TEAD1: variants seen among roughly 807,000 people sequenced by gnomAD.
TEAD1 encodes TEA domain transcription factor 1.
In TEAD1, 9 loss-of-function variants were observed where a neutral mutation model predicts 54.9. That is an observed-to-expected ratio of 0.16 (90% CI 0.10 to 0.29). The LOEUF (loss-of-function observed/expected upper bound fraction) is 0.29. Among genes scored for constraint, TEAD1 ranks in the 10% least tolerant of loss-of-function variants. TEAD1 has a pLI of 1.00. For synonymous variants in TEAD1, 200 were observed against 187.8 expected (o/e 1.07, Z -0.53); for missense variants, 387 against 535.9 (o/e 0.72, Z 2.74).
intron 2 of TEAD1, among the ~76,000 whole-genome samples, chr11:12,700,293 C>T (rs971138170): frequency 6.6e-6 from 1 of 151,866 alleles, no homozygotes; most frequent in Non-Finnish European, 1.5e-5. Context: ...CAACTTTGGA[C>T]TTTTTCTTCC....
intron 4 of TEAD1, among the ~76,000 whole-genome samples, chr11:12,863,416 G>A (rs765620959): frequency 6.6e-6 from 1 of 152,280 alleles, no homozygotes; most frequent in African/African-American, 2.4e-5. Context: ...GTGAAAACAA[G>A]TAACAGCAGG....
chr11:12,788,179 C>G, intron 3 of TEAD1, among the ~76,000 whole-genome samples: 1 of 149,578 alleles, frequency 6.7e-6, no homozygotes, highest in Non-Finnish European at 1.5e-5. Context: ...TTCTGTTACT[C>G]AGGCTGGAGT....
At chr11:12,921,538 CA>C (rs10684810) in intron 10 of TEAD1, among the ~76,000 whole-genome samples, 69,107 of 130,492 alleles carry the variant, frequency 0.53, 17,745 homozygotes, top group South Asian at 0.65. Flanking sequence ...AACTCCATCT[CA>C]AAAAAAAAAA....
chr11:12,913,425 C>T (rs1432659622), intron 10 of TEAD1, among the ~76,000 whole-genome samples: 1 of 152,162 alleles, frequency 6.6e-6, no homozygotes, highest in Non-Finnish European at 1.5e-5. Context: ...TAGACTTATA[C>T]GTATGTATCT....
intron 3 of TEAD1, among the ~76,000 whole-genome samples, chr11:12,837,720 C>CCTTCTCCTT (rs1946929227): frequency 7.1e-6 from 1 of 141,468 alleles, no homozygotes; most frequent in Admixed American, 7.2e-5. Context: ...TTCTCCTTCT[C>CCTTCTCCTT]CTTCTTCTTC....
At chr11:12,858,059 C>T (rs145219119) in intron 3 of TEAD1, among the ~76,000 whole-genome samples, 1,528 of 152,202 alleles carry the variant, frequency 0.01, 28 homozygotes, top group African/African-American at 0.035. Context: ...GAGCCGAGAT[C>T]GTGCCACTGC....
At chr11:12,919,342 A>G (rs1160913581) in intron 10 of TEAD1, among the ~76,000 whole-genome samples, 1 of 152,232 alleles carries the variant, frequency 6.6e-6, no homozygotes, top group African/African-American at 2.4e-5. Context: ...AGCTGCAAGC[A>G]GTAAGGACTT....
At chr11:12,745,273 C>T (rs1246354838) in intron 2 of TEAD1, among the ~76,000 whole-genome samples, 2 of 152,078 alleles carry the variant, frequency 1.3e-5, no homozygotes, top group African/African-American at 4.8e-5. Context: ...TGTGATGTGC[C>T]CTGCATGAAC....
At chr11:12,875,306 C>T (rs1377843618) in intron 5 of TEAD1, among the ~76,000 whole-genome samples, 1 of 152,170 alleles carries the variant, frequency 6.6e-6, no homozygotes, top group East Asian at 1.9e-4. Context: ...ACCAGAGTGA[C>T]ACAGAGGAGC....
At chr11:12,678,870 T>C (rs140379688) in intron 2 of TEAD1, among the ~76,000 whole-genome samples, 1 of 152,362 alleles carries the variant, frequency 6.6e-6, no homozygotes, top group Non-Finnish European at 1.5e-5. Flanking sequence ...CATTCCAGTT[T>C]TGTAGTGGTA....
intron 2 of TEAD1, among the ~76,000 whole-genome samples, chr11:12,691,870 A>C (rs147671364): frequency 2.9e-4 from 44 of 152,304 alleles, no homozygotes; most frequent in Non-Finnish European, 5.9e-4. Flanking sequence ...CATCTGTTTC[A>C]ATAAATATTG....
chr11:12,931,638 C>A (rs749799863), intron 12 of TEAD1, among the ~76,000 whole-genome samples: 5 of 151,988 alleles, frequency 3.3e-5, no homozygotes, highest in Admixed American at 6.6e-5. Flanking sequence ...TAATTTATAC[C>A]TTTTACCTAT....
chr11:12,869,199 A>G (rs969455910), intron 5 of TEAD1, among the ~76,000 whole-genome samples: 8 of 152,100 alleles, frequency 5.3e-5, no homozygotes, highest in African/African-American at 1.9e-4. Context: ...CTCTGGAAAG[A>G]CCTCGCCAGC....
chr11:12,817,971 TATA>T (rs1219675535), intron 3 of TEAD1, among the ~76,000 whole-genome samples: 1 of 152,248 alleles, frequency 6.6e-6, no homozygotes, highest in Non-Finnish European at 1.5e-5. Flanking sequence ...GGCGTTTGTT[TATA>T]ATGACATGGG....
At chr11:12,682,343 C>A (rs919239215) in intron 2 of TEAD1, among the ~76,000 whole-genome samples, 3 of 152,168 alleles carry the variant, frequency 2.0e-5, no homozygotes, top group Admixed American at 2.0e-4. Context: ...CTTCTCTGCT[C>A]GGCATTCATT....
chr11:12,784,218 TC>T (rs1945626914), intron 3 of TEAD1, among the ~76,000 whole-genome samples: 1 of 152,176 alleles, frequency 6.6e-6, no homozygotes, highest in Admixed American at 6.5e-5. Context: ...AGATTTTTCA[TC>T]TGCATGGATG....
At chr11:12,747,354 G>C (rs1251212880) in intron 2 of TEAD1, among the ~76,000 whole-genome samples, 1 of 151,682 alleles carries the variant, frequency 6.6e-6, no homozygotes, top group Non-Finnish European at 1.5e-5. Context: ...TTTATTTTTT[G>C]AGACGATGTC....
At chr11:12,892,699 C>T (rs762544796) in intron 9 of TEAD1, among the ~76,000 whole-genome samples, 7 of 152,062 alleles carry the variant, frequency 4.6e-5, no homozygotes, top group East Asian at 1.9e-4. Flanking sequence ...TTTTAATTCC[C>T]GATTGCCAGG....
At chr11:12,764,064 AAAT>A (rs1590126821) in intron 2 of TEAD1, 112 bp from the exon 3 acceptor site, 8 of 694,280 alleles carry the variant, frequency 1.2e-5, no homozygotes. Context: ...AAAAAGACTG[AAAT>A]AATAAAATGA....
Sources: gnomAD v4.1 joint callset for allele counts (sites outside exome capture counted in the v4.1 genomes callset) on GRCh38, gnomAD v4.1.1 for gene constraint, MANE v1.5 for transcripts, NCBI Gene and HGNC (gene_info 2026-07-23, HGNC 2026-07-21) for gene names.